The following PLPP4 variants were observed in gnomAD, a reference collection of about 807,000 sequenced individuals.
PLPP4 encodes phospholipid phosphatase 4, also known as diacylglycerol pyrophosphate like 2.
PLPP4 carries 20 observed loss-of-function variants against 32.2 expected under a neutral mutation model. The observed-to-expected ratio is 0.62, with a 90% CI of 0.44 to 0.90. The LOEUF (loss-of-function observed/expected upper bound fraction) is 0.90, where lower values mean the gene tolerates loss of function less well. Among genes scored for constraint, PLPP4 ranks in the 40% least tolerant of loss-of-function variants. The pLI is 0.00. For missense variants in PLPP4, 257 were observed against 353.1 expected, an observed-to-expected ratio of 0.73 and a Z score of 2.18; for synonymous variants, 127 against 133.0, an observed-to-expected ratio of 0.95 and a Z score of 0.31.
intron 1 of PLPP4, among the ~76,000 whole-genome samples, chr10:120,463,715 T>A (rs1848181378): frequency 6.6e-6 from 1 of 152,192 alleles, no homozygotes; most frequent in South Asian, 2.1e-4. Flanking sequence ...AGACAGAGTC[T>A]CTCTCTGTTG....
At chr10:120,504,782 C>A (rs1845417837) in intron 2 of PLPP4, among the ~76,000 whole-genome samples, 1 of 152,172 alleles carries the variant, frequency 6.6e-6, no homozygotes, top group African/African-American at 2.4e-5. Context: ...TTAGGATAAG[C>A]CTTGATTCTG....
At chr10:120,588,221 C>T (rs920627196) in intron 6 of PLPP4, among the ~76,000 whole-genome samples, 27 of 152,206 alleles carry the variant, frequency 1.8e-4, no homozygotes, top group African/African-American at 6.5e-4. Flanking sequence ...TTAAAGTGAA[C>T]ACACACACAG....
At chr10:120,473,574 G>C (rs1426383082) in intron 1 of PLPP4, among the ~76,000 whole-genome samples, 1 of 152,084 alleles carries the variant, frequency 6.6e-6, no homozygotes, top group African/African-American at 2.4e-5. Flanking sequence ...CAGAACTTGG[G>C]TTCCCCTTCT....
At chr10:120,564,388 T>C (rs1187529693) in intron 5 of PLPP4, among the ~76,000 whole-genome samples, 1 of 151,870 alleles carries the variant, frequency 6.6e-6, no homozygotes, top group African/African-American at 2.4e-5. Context: ...TAGCATAAGG[T>C]CAGTTTTTAT....
intron 1 of PLPP4, among the ~76,000 whole-genome samples, chr10:120,461,014 C>T (rs895119561): frequency 2.0e-5 from 3 of 152,190 alleles, no homozygotes; most frequent in African/African-American, 2.4e-5. Context: ...AAACTGACCA[C>T]ATCCTGTGAG....
intron 1 of PLPP4, among the ~76,000 whole-genome samples, chr10:120,475,413 T>G (rs1428617689): frequency 6.6e-6 from 1 of 152,192 alleles, no homozygotes; most frequent in African/African-American, 2.4e-5. Context: ...GTTCTGCACA[T>G]TTGGCCTTGT....
chr10:120,478,192 GGA>G (rs2133810044), intron 1 of PLPP4, among the ~76,000 whole-genome samples: 1 of 152,300 alleles, frequency 6.6e-6, no homozygotes, highest in African/African-American at 2.4e-5. Flanking sequence ...CTAAATGTCA[GGA>G]CACATACCAA....
chr10:120,477,118 C>A (rs1312594320), intron 1 of PLPP4, among the ~76,000 whole-genome samples: 1 of 152,050 alleles, frequency 6.6e-6, no homozygotes, highest in African/African-American at 2.4e-5. Context: ...ATGTAAAAAA[C>A]ATCAAGAGGC....
chr10:120,555,088 G>C (rs770732550), intron 5 of PLPP4, among the ~76,000 whole-genome samples: 5 of 152,064 alleles, frequency 3.3e-5, no homozygotes, highest in Non-Finnish European at 5.9e-5. Context: ...TGGCAAATGT[G>C]GGGGGTGGGG....
intron 1 of PLPP4, among the ~76,000 whole-genome samples, chr10:120,500,821 A>G (rs1845211621): frequency 6.6e-6 from 1 of 152,142 alleles, no homozygotes; most frequent in African/African-American, 2.4e-5. Context: ...CTTTCTTACA[A>G]ACAAGATCAT....
intron 1 of PLPP4, among the ~76,000 whole-genome samples, chr10:120,465,963 A>G (rs899965724): frequency 5.3e-5 from 8 of 152,022 alleles, no homozygotes; most frequent in Non-Finnish European, 1.5e-5. Context: ...TGGGATATTT[A>G]TCATTTTTGG....
rs140325397 is a variant in PLPP4, at chr10:120,588,812, G to A, written c.617-491G>A. Reference sequence around the variant, plus strand: ...TGTAATCCCAGCGCTTTGGGAGGCCGAGGTGTGCAGATCACATGAGGTCAG... The same window carrying A: ...TGTAATCCCAGCGCTTTGGGAGGCCAAGGTGTGCAGATCACATGAGGTCAG... On this transcript the variant is annotated intron_variant, in intron 6 of 6. Coordinates refer to ENST00000398250, the MANE Select transcript of PLPP4 (RefSeq NM_001030059.3). 1.9e-3 allele frequency among the ~76,000 whole-genome samples: 290 copies of A among 152,342 alleles called. 7 individuals carry two copies. The East Asian group carries it at 0.05, about 26-fold the overall frequency.
chr10:120,577,419 T>G, intron 6 of PLPP4, among the ~76,000 whole-genome samples: 1 of 152,200 alleles, frequency 6.6e-6, no homozygotes, highest in South Asian at 2.1e-4. Context: ...GCTGTGGTAG[T>G]GTAACATGGC....
intron 1 of PLPP4, among the ~76,000 whole-genome samples, chr10:120,479,348 A>G (rs1181486695): frequency 6.6e-6 from 1 of 152,230 alleles, no homozygotes; most frequent in East Asian, 1.9e-4. Context: ...GCAGTGCCTG[A>G]TCTGGCCGGT....
intron 6 of PLPP4, among the ~76,000 whole-genome samples, chr10:120,584,216 T>C (rs1849649307): frequency 6.6e-6 from 1 of 152,220 alleles, no homozygotes; most frequent in Admixed American, 6.5e-5. Flanking sequence ...TTGCTCATCC[T>C]TCAGGTCTTA....
chr10:120,506,828 A>C (rs892176633), intron 2 of PLPP4, among the ~76,000 whole-genome samples: 1 of 152,172 alleles, frequency 6.6e-6, no homozygotes, highest in African/African-American at 2.4e-5. Flanking sequence ...TGTCACTCTG[A>C]AAGTTGGGTG....
rs372983599 is a variant in PLPP4 at position 120,540,294 on chromosome 10, T to A, written c.445+19199T>A. On this transcript the variant is annotated intron_variant, in intron 5 of 6. Transcript: ENST00000398250. ...TTAACTGCTAGAACAAGTGACATGA[T>A]GTTGCTATGCTTCACAATTTGGCCT... 2.2e-4 allele frequency among the ~76,000 whole-genome samples: 34 copies of A among 152,336 alleles called. 1 individual carries two copies. The South Asian group carries it at 4.1e-3, about 19-fold the overall frequency.
Position 120,530,538 on chromosome 10 carries a change from G to A in PLPP4, c.445+9443G>A, listed in dbSNP as rs146507137. On this transcript the variant is annotated intron_variant, in intron 5 of 6. Coordinates refer to ENST00000398250, the MANE Select transcript of PLPP4 (RefSeq NM_001030059.3). ...TTTCACTATAATGAGTATCACACAC[G>A]TTCTTTATCCGTCTTATCTTTGCTA... is the stretch of plus-strand genomic sequence containing the variant. Among the ~76,000 whole-genome samples, 430 of 152,096 alleles carry A rather than the reference G, an allele frequency of 2.8e-3. 8 individuals are homozygous for A. Among genetic ancestry groups the A allele is most frequent in the African/African-American group, 9.9e-3 (412 of 41,466 alleles).
At position 120,514,019 on chromosome 10, in the gene PLPP4, C is replaced by G; in HGVS notation, c.256+18C>G. On this transcript the variant is annotated intron_variant, in intron 3 of 6. Coordinates refer to ENST00000398250, the MANE Select transcript of PLPP4 (RefSeq NM_001030059.3). ...CTTCTTAGGTAGAGTATTCACAGTT[C>G]CTGCTTTAGGGAATGGGGCTGACCT... 6.4e-7 allele frequency: 1 copy of G among 1,564,840 alleles called. No homozygotes were observed. Among genetic ancestry groups the G allele is most frequent in the Non-Finnish European group, 8.8e-7 (1 of 1,135,240 alleles).
Sources: gnomAD v4.1 joint callset for allele counts (sites outside exome capture counted in the v4.1 genomes callset) on GRCh38, gnomAD v4.1.1 for gene constraint, MANE v1.5 for transcripts, NCBI Gene and HGNC (gene_info 2026-07-23, HGNC 2026-07-21) for gene names.